The following RBFOX1 variants were observed in gnomAD, a reference collection of about 807,000 sequenced individuals.
The protein encoded by RBFOX1 is RNA binding protein fox-1 homolog 1.
Under a neutral mutation model 57.7 loss-of-function variants are expected in RBFOX1, and 8 were observed. The ratio of observed to expected loss-of-function variants is 0.14; its 90% CI spans 0.08 to 0.25. The LOEUF (loss-of-function observed/expected upper bound fraction) is 0.25. Ranked by LOEUF, RBFOX1 falls within the 10% of genes least tolerant of loss-of-function variation. RBFOX1 has a pLI of 1.00. For missense variants in RBFOX1, 611 were observed against 548.5 expected (o/e 1.11, Z -1.14); for synonymous variants, 326 against 222.4 (o/e 1.47, Z -4.15).
chr16:6,494,178 C>T (rs181618524), intron 2 of RBFOX1, among the ~76,000 whole-genome samples: 76 of 152,270 alleles, frequency 5.0e-4, no homozygotes, highest in African/African-American at 1.7e-3. Context: ...CACATCGTAT[C>T]GAGGATACTG....
At chr16:7,579,629 A>G (rs922018851) in intron 5 of RBFOX1, 148 bp from the exon 6 acceptor site, 2 of 876,668 alleles carry the variant, frequency 2.3e-6, no homozygotes, top group Non-Finnish European at 3.5e-6. Flanking sequence ...TTGCTGAATG[A>G]ATGCATGCAT....
intron 1 of RBFOX1, among the ~76,000 whole-genome samples, chr16:5,319,218 A>G (rs963963562): frequency 6.6e-6 from 1 of 152,230 alleles, no homozygotes; most frequent in African/African-American, 2.4e-5. Context: ...AAGCATAAGT[A>G]CTTGACCCAC....
chr16:5,381,170 G>C (rs1337630704), intron 1 of RBFOX1, among the ~76,000 whole-genome samples: 2 of 152,284 alleles, frequency 1.3e-5, no homozygotes, highest in African/African-American at 4.8e-5. Context: ...CTGGCTCTTT[G>C]TATTTGACAG....
intron 3 of RBFOX1, among the ~76,000 whole-genome samples, chr16:6,937,643 A>C (rs1429758056): frequency 6.6e-6 from 1 of 152,100 alleles, no homozygotes; most frequent in Non-Finnish European, 1.5e-5. Context: ...AGGTGGGACA[A>C]CTGGAAGCAA....
intron 2 of RBFOX1, chr16:6,484,007 G>C: frequency 6.4e-6 from 6 of 944,536 alleles, no homozygotes; most frequent in Non-Finnish European, 7.7e-6. Context: ...TGGACACTTG[G>C]AGAGGGCTAG....
chr16:7,429,268 C>G (rs1031306465), intron 4 of RBFOX1, among the ~76,000 whole-genome samples: 1 of 152,214 alleles, frequency 6.6e-6, no homozygotes, highest in Non-Finnish European at 1.5e-5. Context: ...CCCGGCCATG[C>G]TGGCTTCTTC....
chr16:7,155,414 C>G (rs1027031613), intron 4 of RBFOX1, among the ~76,000 whole-genome samples: 40 of 151,682 alleles, frequency 2.6e-4, no homozygotes, highest in African/African-American at 8.2e-4. Flanking sequence ...CATGGAAAAA[C>G]TCCATATCTA....
chr16:7,633,018 CAT>C (rs2061231202), intron 11 of RBFOX1, among the ~76,000 whole-genome samples: 1 of 152,054 alleles, frequency 6.6e-6, no homozygotes, highest in African/African-American at 2.4e-5. Flanking sequence ...ATAGCTGAAG[CAT>C]AGAGAGAAAA....
At chr16:5,816,878 G>A (rs1267763999) in intron 3 of RBFOX1, among the ~76,000 whole-genome samples, 1 of 152,090 alleles carries the variant, frequency 6.6e-6, no homozygotes, top group African/African-American at 2.4e-5. Context: ...ATTTTTGTGT[G>A]TACATAGTAG....
chr16:7,161,417 T>A (rs1271822454), intron 4 of RBFOX1, among the ~76,000 whole-genome samples: 21 of 152,212 alleles, frequency 1.4e-4, no homozygotes, highest in Non-Finnish European at 4.4e-5. Context: ...AGTGTATAAA[T>A]AACATTTATA....
intron 2 of RBFOX1, among the ~76,000 whole-genome samples, chr16:5,502,508 G>A (rs1367418031): frequency 6.6e-6 from 1 of 152,078 alleles, no homozygotes; most frequent in Non-Finnish European, 1.5e-5. Context: ...TGCTTCTCTG[G>A]GTCTGGCTGG....
rs1201953847 is a variant in RBFOX1 at position 5,814,811 on chromosome 16, C to G, written c.319-52492C>G. ...AGGCGCGGTGGAGGGCGCCTGTAGT[C>G]CCAGCTACTCGGGAGGCTGAGGCAG... is the stretch of plus-strand genomic sequence containing the variant. On this transcript the variant is annotated intron_variant, in intron 3 of 19. Transcript: ENST00000641259. 3.3e-5 allele frequency among the ~76,000 whole-genome samples: 5 copies of G among 152,114 alleles called. No homozygotes were observed. The East Asian group carries it at 7.7e-4, about 24-fold the overall frequency.
At chr16:7,026,418 G>C (rs1344113682) in intron 3 of RBFOX1, among the ~76,000 whole-genome samples, 1 of 152,160 alleles carries the variant, frequency 6.6e-6, no homozygotes, top group Non-Finnish European at 1.5e-5. Context: ...ACAGTTGAGG[G>C]CAGCACTTAC....
At chr16:5,592,241 C>G (rs2047032166) in intron 2 of RBFOX1, among the ~76,000 whole-genome samples, 1 of 151,858 alleles carries the variant, frequency 6.6e-6, no homozygotes, top group Non-Finnish European at 1.5e-5. Context: ...GATGTTATCT[C>G]TTTGTTCAGT....
In RBFOX1 at chr16:6,450,775, A is replaced by ATG. The variant is rs1248879920; in HGVS notation, c.-64+133719_-64+133720insGT. Among the ~76,000 whole-genome samples, 14 of 35,208 alleles carry ATG rather than the reference A, an allele frequency of 4.0e-4. 1 individual carries two copies. In the South Asian group the frequency reaches 6.4e-3, roughly 16 times the overall value. The allele number at this position is 35,208 out of a possible 152,430, so 23.1% of individuals were successfully genotyped here. The stretch of plus-strand genomic sequence containing the variant: ...TATACATATATATATGTGTATATAT[A>ATG]TATATATATATATACATATATATAT... On this transcript the variant is annotated intron_variant, in intron 2 of 15. Transcript: ENST00000550418.
At chr16:5,601,933 G>A (rs2047378742), downstream of RBFOX1, among the ~76,000 whole-genome samples, 1 of 152,208 alleles carries the variant, frequency 6.6e-6, no homozygotes, top group Admixed American at 6.5e-5. Context: ...CCTCACTCAT[G>A]GAGGCTGATG....
chr16:7,368,670 C>G (rs59968608), intron 4 of RBFOX1, among the ~76,000 whole-genome samples: 51,478 of 151,244 alleles, frequency 0.34, 9,632 homozygotes, highest in African/African-American at 0.51. Context: ...GTCCCAGCTA[C>G]TCAGGAGGCT....
intron 4 of RBFOX1, among the ~76,000 whole-genome samples, chr16:5,911,380 G>A (rs184105248): frequency 3.9e-5 from 6 of 152,108 alleles, no homozygotes; most frequent in Admixed American, 2.0e-4. Context: ...TGCCACAGCC[G>A]TATCTTCAGA....
intron 3 of RBFOX1, among the ~76,000 whole-genome samples, chr16:6,871,352 A>G (rs1567650336): frequency 1.3e-5 from 2 of 152,078 alleles, no homozygotes; most frequent in Non-Finnish European, 2.9e-5. Context: ...CGCCTGGCTA[A>G]TTTTTGTATT....
Sources: allele counts gnomAD v4.1 joint callset (sites outside exome capture counted in the v4.1 genomes callset), GRCh38; gene constraint gnomAD v4.1.1; transcripts MANE v1.5; gene names NCBI Gene and HGNC (gene_info 2026-07-23, HGNC 2026-07-21).